The following MAD1L1 variants were observed in gnomAD, a reference collection of about 807,000 sequenced individuals.
MAD1L1 encodes the protein mitotic spindle assembly checkpoint protein MAD1.
In MAD1L1, 95 loss-of-function variants were observed where a neutral mutation model predicts 96.9. The observed-to-expected ratio is 0.98, with a 90% confidence interval of 0.83 to 1.16. The LOEUF (loss-of-function observed/expected upper bound fraction) is 1.16, where lower values mean the gene tolerates loss of function less well. Among genes scored for constraint, MAD1L1 ranks in the 50% most tolerant of loss-of-function variants. The probability of loss-of-function intolerance (pLI) is 0.00; values close to 1 mark genes in which losing one functional copy is unlikely to be tolerated. For synonymous variants in MAD1L1, 473 were observed against 396.6 expected (o/e 1.19, Z -2.29); for missense variants, 1,007 against 954.4 (o/e 1.06, Z -0.73).
intron 18 of MAD1L1, among the ~76,000 whole-genome samples, chr7:1,886,926 G>A (rs954446418): frequency 2.0e-5 from 3 of 152,282 alleles, no homozygotes; most frequent in African/African-American, 7.2e-5. Flanking sequence ...GCCGCAAGCT[G>A]CTTCTCTCAC....
chr7:2,207,682 C>A (rs1792670128), intron 10 of MAD1L1, among the ~76,000 whole-genome samples: 1 of 152,204 alleles, frequency 6.6e-6, no homozygotes, highest in South Asian at 2.1e-4. Context: ...CTAAACATAA[C>A]AAAGCATCTT....
rs749822499 is a variant in MAD1L1 at position 2,216,279 on chromosome 7, C to T, written c.687G>A (p.Glu229=). 5.3e-5 allele frequency: 86 copies of T among 1,613,590 alleles called. No individual in the cohort carries two copies. In the Admixed American group the frequency reaches 1.4e-3, roughly 26 times the overall value. The part of the protein sequence containing the change: ...ADHEQQIKDL[E]QKLSLQEQDA... Reference sequence around the variant, plus strand: ...CCTGCTCTTGCAGGGACAGCTTCTGCTCCAGATCCTGATGGAGGCCAGGGA... The same window carrying T: ...CCTGCTCTTGCAGGGACAGCTTCTGTTCCAGATCCTGATGGAGGCCAGGGA... Residue 229 remains glutamate (E), a synonymous_variant, in exon 8 of 19, where the codon GAG becomes GAA. Coordinates refer to ENST00000265854, the MANE Select transcript of MAD1L1 (RefSeq NM_001013836.2).
rs369507757 is a variant in MAD1L1, at chr7:2,146,280, T to C, written c.1073+2872A>G. On this transcript the variant is annotated intron_variant, in intron 11 of 18. Transcript: ENST00000265854. This position sits in a 1 kb window ranked among gnomAD's most constrained non-coding sequence, Gnocchi z 6.2. ...GGGCACTGGGCTACGAGGAACAGGG[T>C]ACCACCTCGATGAGGGAGCACCGGG... 9.5e-4 allele frequency among the ~76,000 whole-genome samples: 117 copies of C among 123,046 alleles called. No individual in the cohort carries two copies. The highest frequency in any genetic ancestry group is 2.2e-3 in the East Asian group (9 of 4,144). 80.7% of individuals were successfully genotyped at this position (123,046 alleles called of 152,430 possible).
intron 11 of MAD1L1, among the ~76,000 whole-genome samples, chr7:2,097,227 CA>C (rs1300186821): frequency 6.6e-6 from 1 of 151,944 alleles, no homozygotes; most frequent in African/African-American, 2.4e-5. Context: ...TGCCACACCC[CA>C]CCCCACGGCA....
At chr7:2,007,746 C>T (rs1782099279) in intron 13 of MAD1L1, among the ~76,000 whole-genome samples, 1 of 152,228 alleles carries the variant, frequency 6.6e-6, no homozygotes, top group African/African-American at 2.4e-5. Flanking sequence ...GGAATGAAAA[C>T]CTGCATTCAC....
intron 11 of MAD1L1, among the ~76,000 whole-genome samples, chr7:2,128,668 G>C (rs1384755017): frequency 6.6e-6 from 1 of 152,212 alleles, no homozygotes; most frequent in African/African-American, 2.4e-5. Context: ...GGCTCAGCTG[G>C]GGCCTTGGCC....
chr7:1,951,169 CT>C (rs1779478982), intron 16 of MAD1L1, among the ~76,000 whole-genome samples: 1 of 152,266 alleles, frequency 6.6e-6, no homozygotes, highest in African/African-American at 2.4e-5. Context: ...CTATCCCAGT[CT>C]CCCCACTACA....
At chr7:1,874,591 G>A (rs774688395) in intron 18 of MAD1L1, 3 of 447,036 alleles carry the variant, frequency 6.7e-6, no homozygotes, top group Non-Finnish European at 1.3e-5. Context: ...TCACCTATCA[G>A]CATTACCCAG....
chr7:2,189,707 G>A (rs1791628330), intron 10 of MAD1L1, among the ~76,000 whole-genome samples: 1 of 152,302 alleles, frequency 6.6e-6, no homozygotes, highest in African/African-American at 2.4e-5. Context: ...AAGTTTTGGA[G>A]GTGGATGGTG....
intron 17 of MAD1L1, among the ~76,000 whole-genome samples, chr7:1,916,785 C>T (rs187041667): frequency 1.3e-4 from 20 of 152,290 alleles, no homozygotes; most frequent in Non-Finnish European, 1.9e-4. Flanking sequence ...CGGTGGGGGC[C>T]AGGCTGGGCT....
In MAD1L1 at chr7:1,844,552, C is replaced by T. The variant is rs146078348; in HGVS notation, c.1999-28324G>A. 1.6e-3 allele frequency among the ~76,000 whole-genome samples: 248 copies of T among 152,218 alleles called. 2 individuals are homozygous for T. Among genetic ancestry groups the T allele is most frequent in the African/African-American group, 5.4e-3 (224 of 41,544 alleles). On this transcript the variant is annotated intron_variant, in intron 18 of 18. Coordinates refer to ENST00000265854, the MANE Select transcript of MAD1L1 (RefSeq NM_001013836.2). ...CCCAGGGAGAGGCGCAGGCAGGGGACGCAGCTTGGGACGGGCCTACAGCTG... is the reference window on the plus strand; with the variant it reads ...CCCAGGGAGAGGCGCAGGCAGGGGATGCAGCTTGGGACGGGCCTACAGCTG...
rs1232089684 is a variant in MAD1L1 at position 2,069,221 on chromosome 7, G to A, written c.1191C>T (p.Leu397=). 1 of 1,605,692 alleles carries A rather than the reference G, an allele frequency of 6.2e-7. No homozygotes were observed. The highest frequency in any genetic ancestry group is 8.5e-7 in the Non-Finnish European group (1 of 1,176,582). The change falls in exon 12 of 19, where the codon CTC becomes CTT. Residue 397 remains leucine (L), a synonymous_variant. Transcript: ENST00000265854. Reference sequence around the variant, plus strand: ...TGGTGAGCAGCAGGACCCGTTTCTGGAGCCTCCGGGCCAGCGCCTCGTGGG... The same window carrying A: ...TGGTGAGCAGCAGGACCCGTTTCTGAAGCCTCCGGGCCAGCGCCTCGTGGG... ...RETHEALARR[L]QKRVLLLTKE... is the part of the protein sequence containing the mutation.
intron 10 of MAD1L1, among the ~76,000 whole-genome samples, chr7:2,173,801 G>A (rs1386989987): frequency 6.6e-6 from 1 of 152,162 alleles, no homozygotes; most frequent in Non-Finnish European, 1.5e-5. Context: ...AGATTTGAGG[G>A]AGATAATTTG....
chr7:2,030,267 G>A (rs1283330544), intron 12 of MAD1L1, among the ~76,000 whole-genome samples: 2 of 152,238 alleles, frequency 1.3e-5, no homozygotes, highest in Non-Finnish European at 2.9e-5. Context: ...GACGCCCGGG[G>A]TGGAGGTCAC....
At chr7:2,192,129 GT>G (rs1048481770) in intron 10 of MAD1L1, among the ~76,000 whole-genome samples, 2 of 150,780 alleles carry the variant, frequency 1.3e-5, no homozygotes, top group Non-Finnish European at 3.0e-5. Context: ...GGGGTTTTTT[GT>G]TTTTTTTGTT....
chr7:1,822,442 A>ATATATATTTTT lies in MAD1L1; in HGVS notation c.1999-6215_1999-6214insAAAAATATATA, dbSNP rs768089526. 2.0e-4 allele frequency among the ~76,000 whole-genome samples: 28 copies of ATATATATTTTT among 140,588 alleles called. 1 individual carries two copies. The highest frequency in any genetic ancestry group is 7.3e-3 in the Middle Eastern group (2 of 274). The allele number at this position is 140,588 out of a possible 152,430, so 92.2% of individuals were successfully genotyped here. On this transcript the variant is annotated intron_variant, in intron 18 of 18. Coordinates refer to ENST00000265854, the MANE Select transcript of MAD1L1 (RefSeq NM_001013836.2). ...TCCAAACCTCAGCATATATATATAT[A>ATATATATTTTT]TTTTTTTTTTTTTTTTGGAAAGAGG...
intron 12 of MAD1L1, among the ~76,000 whole-genome samples, chr7:2,068,289 A>T (rs57430713): frequency 5.1e-4 from 78 of 152,370 alleles, no homozygotes; most frequent in African/African-American, 1.9e-3. Context: ...TTTAGGAGAC[A>T]GCATGGAGCC....
At chr7:2,074,478 G>A (rs1785285053) in intron 11 of MAD1L1, among the ~76,000 whole-genome samples, 1 of 152,342 alleles carries the variant, frequency 6.6e-6, no homozygotes, top group Non-Finnish European at 1.5e-5. Flanking sequence ...TGTCTGCATG[G>A]GGACCCTGGA....
chr7:2,190,173 T>C (rs552648463), intron 10 of MAD1L1, among the ~76,000 whole-genome samples: 3 of 152,328 alleles, frequency 2.0e-5, no homozygotes, highest in Admixed American at 1.3e-4. Flanking sequence ...GAAGTGACAG[T>C]AATTACGACC....
Sources: gnomAD v4.1 joint callset for allele counts (sites outside exome capture counted in the v4.1 genomes callset) on GRCh38, gnomAD v4.1.1 for gene constraint, Gnocchi (gnomAD v3.1) non-coding constraint, MANE v1.5 for transcripts, NCBI Gene and HGNC (gene_info 2026-07-23, HGNC 2026-07-21) for gene names.